The following ZNF18 variants were observed in gnomAD, a reference collection of about 807,000 sequenced individuals.
The protein encoded by ZNF18 is heart development-specific gene 1 protein.
In ZNF18, 42 loss-of-function variants were observed where a neutral mutation model predicts 58.1. The observed-to-expected ratio is 0.72, with a 90% CI of 0.56 to 0.93. ZNF18 has a LOEUF of 0.93. Among genes scored for constraint, ZNF18 ranks in the 40% least tolerant of loss-of-function variants. The probability of loss-of-function intolerance (pLI) is 0.00; values close to 1 mark genes in which losing one functional copy is unlikely to be tolerated. For synonymous variants in ZNF18, 231 were observed against 239.8 expected (o/e 0.96, Z 0.34); for missense variants, 540 against 644.2 (o/e 0.84, Z 1.75).
chr17:11,999,534 C>G (rs1033868722), upstream of ZNF18, among the ~76,000 whole-genome samples: 21 of 152,288 alleles, frequency 1.4e-4, no homozygotes, highest in African/African-American at 5.1e-4. Context: ...AGATATCTAC[C>G]TCAGCTTAGG....
chr17:11,998,570 CCTGTCATTATCATAACATGTCCT>C (rs1968596868), upstream of ZNF18, among the ~76,000 whole-genome samples: 13 of 150,010 alleles, frequency 8.7e-5, no homozygotes, highest in South Asian at 2.6e-3. Context: ...ATGTCCTGTA[CCTGTCATTATCATAACATGTCCT>C]GTACCTGTCA....
chr17:12,015,323 T>G, the ZNF18 span, among the ~76,000 whole-genome samples: 1 of 152,326 alleles, frequency 6.6e-6, no homozygotes, highest in South Asian at 2.1e-4. Context: ...GTGAGGCCCT[T>G]TCTTGGCTAC....
chr17:11,994,400 C>T (rs376397857), intron 1 of ZNF18, among the ~76,000 whole-genome samples: 4 of 152,180 alleles, frequency 2.6e-5, no homozygotes, highest in African/African-American at 9.7e-5. Flanking sequence ...GCCAACCCCC[C>T]ACACAGTAGA....
intron 4 of ZNF18, among the ~76,000 whole-genome samples, chr17:11,987,258 G>A (rs1967811205): frequency 6.6e-6 from 1 of 152,184 alleles, no homozygotes; most frequent in African/African-American, 2.4e-5. Flanking sequence ...ATGCACTGCT[G>A]GAGTCTATGT....
rs765748832 is a variant in ZNF18 at position 11,992,655 on chromosome 17, A to T, written c.175T>A (p.Leu59Met). 1.2e-6 allele frequency: 2 copies of T among 1,614,138 alleles called. No homozygotes were observed. The highest frequency in any genetic ancestry group is 2.7e-5 in the African/African-American group (2 of 74,946). ...AAACAGAGCTTCCGAAGTTGCTTCAAGGTCTCATGAGGCCCAGACATCACC... is the reference window on the plus strand; with the variant it reads ...AAACAGAGCTTCCGAAGTTGCTTCATGGTCTCATGAGGCCCAGACATCACC... Reference protein sequence around the residue: ...YQVMSGPHETLKQLRKLCFQW... With the variant: ...YQVMSGPHETMKQLRKLCFQW... The change falls in exon 2 of 7, where the codon TTG (leucine) becomes ATG (methionine). Residue 59 changes from leucine (L) to methionine (M), a missense_variant. Transcript: ENST00000580306.
the ZNF18 span, among the ~76,000 whole-genome samples, chr17:12,010,259 C>T: frequency 2.1e-4 from 32 of 152,198 alleles, no homozygotes; most frequent in African/African-American, 7.0e-4. Flanking sequence ...TAATTCTTCG[C>T]TATTCTAGTT....
intron 2 of ZNF18, among the ~76,000 whole-genome samples, chr17:11,992,133 C>A (rs561827073): frequency 3.3e-4 from 51 of 152,288 alleles, no homozygotes; most frequent in African/African-American, 1.2e-3. Flanking sequence ...AATTATCAAA[C>A]TTGAAGAGAA....
At chr17:11,991,665 GA>G (rs1183415960) in intron 2 of ZNF18, among the ~76,000 whole-genome samples, 5 of 152,170 alleles carry the variant, frequency 3.3e-5, no homozygotes, top group Non-Finnish European at 7.3e-5. Flanking sequence ...AGGGACAGGT[GA>G]AAGAAGAGTC....
At chr17:12,011,386 T>G in the ZNF18 span, 1 of 174,018 alleles carries the variant, frequency 5.7e-6, no homozygotes, top group Non-Finnish European at 1.2e-5. Flanking sequence ...TCCATCATTT[T>G]TATTATTATT....
At chr17:11,994,863 T>C (rs1272670708) in intron 1 of ZNF18, among the ~76,000 whole-genome samples, 2 of 151,830 alleles carry the variant, frequency 1.3e-5, no homozygotes, top group African/African-American at 2.4e-5. Flanking sequence ...AAAAGAAAAT[T>C]ATAAGGAAGA....
Position 11,977,862 on chromosome 17 carries a change from G to A in ZNF18, c.*95C>T, listed in dbSNP as rs1967085570. The A allele has an allele frequency of 7.2e-7, 1 of 1,394,842 alleles. No homozygotes were observed. Among genetic ancestry groups the A allele is most frequent in the Admixed American group, 2.3e-5 (1 of 43,086 alleles). 86.4% of individuals were successfully genotyped at this position (1,394,842 alleles called of 1,614,324 possible). ...ATCCAAGAAAAAAGGAGATTAACAG[G>A]GGTATCCTCTTAGACACAATTCCTC... On this transcript the variant is annotated 3_prime_UTR_variant, in exon 7 of 7. Coordinates refer to ENST00000580306, the MANE Select transcript of ZNF18 (RefSeq NM_001303281.2).
upstream of ZNF18, among the ~76,000 whole-genome samples, chr17:12,001,079 G>C (rs1968647760): frequency 6.6e-6 from 1 of 152,148 alleles, no homozygotes; most frequent in Non-Finnish European, 1.5e-5. Context: ...AAATGTTCTT[G>C]AGTAGAGATT....
chr17:11,994,185 C>T (rs887464138), intron 1 of ZNF18, among the ~76,000 whole-genome samples: 1 of 152,182 alleles, frequency 6.6e-6, no homozygotes, highest in African/African-American at 2.4e-5. Context: ...CAGTACAATA[C>T]TCTAGCTTTT....
the ZNF18 span, chr17:12,020,919 C>G: frequency 5.8e-6 from 7 of 1,211,234 alleles, 1 homozygote; most frequent in South Asian, 2.1e-4. Context: ...GCGGCGGCGG[C>G]TCCGGGGGCG....
At chr17:12,019,445 A>T in the ZNF18 span, among the ~76,000 whole-genome samples, 3,351 of 152,232 alleles carry the variant, frequency 0.022, 69 homozygotes, top group Middle Eastern at 0.054. Context: ...ATGGCTCATA[A>T]TTAAGATGCC....
the ZNF18 span, among the ~76,000 whole-genome samples, chr17:12,008,767 T>G: frequency 6.6e-6 from 1 of 152,330 alleles, no homozygotes; most frequent in East Asian, 1.9e-4. Flanking sequence ...GATACTTACT[T>G]AATCAGTCTG....
the ZNF18 span, among the ~76,000 whole-genome samples, chr17:12,014,570 T>C: frequency 2.6e-5 from 4 of 152,226 alleles, no homozygotes; most frequent in East Asian, 1.9e-4. Context: ...ATTCCATTTG[T>C]ATGAAATGTC....
At chr17:11,992,128 T>C (rs1968166618) in intron 2 of ZNF18, among the ~76,000 whole-genome samples, 1 of 152,182 alleles carries the variant, frequency 6.6e-6, no homozygotes, top group Admixed American at 6.5e-5. Context: ...TAACTAATTA[T>C]CAAACTTGAA....
chr17:11,986,530 A>G (rs1967752126), intron 4 of ZNF18, among the ~76,000 whole-genome samples: 2 of 152,258 alleles, frequency 1.3e-5, no homozygotes, highest in Admixed American at 1.3e-4. Context: ...TACACAGTCA[A>G]CTATTAACTA....
Sources: allele counts gnomAD v4.1 joint callset (sites outside exome capture counted in the v4.1 genomes callset), GRCh38; gene constraint gnomAD v4.1.1; transcripts MANE v1.5; gene names NCBI Gene and HGNC (gene_info 2026-07-23, HGNC 2026-07-21).